The following SCGN variants were observed in gnomAD, a reference collection of about 807,000 sequenced individuals.
SCGN encodes the protein secretagogin, EF-hand calcium binding protein, also known as secretagogin.
In SCGN, 30 loss-of-function variants were observed where a neutral mutation model predicts 39.7. That is an observed-to-expected ratio of 0.76 (90% CI 0.57 to 1.03). The LOEUF (loss-of-function observed/expected upper bound fraction) is 1.03. SCGN is among the 50% of genes least tolerant of loss of function. SCGN has a pLI of 0.00. For synonymous variants in SCGN, 106 were observed against 114.1 expected (o/e 0.93, Z 0.45); for missense variants, 353 against 349.4 (o/e 1.01, Z -0.08).
chr6:25,693,049 A>T (rs941679701), intron 10 of SCGN, among the ~76,000 whole-genome samples: 8 of 152,218 alleles, frequency 5.3e-5, no homozygotes, highest in Non-Finnish European at 1.2e-4. Flanking sequence ...ATATGGGCAC[A>T]ACAATATTTA....
chr6:25,676,169 G>A (rs1074707), intron 6 of SCGN, among the ~76,000 whole-genome samples: 108,290 of 152,010 alleles, frequency 0.71, 38,929 homozygotes, highest in East Asian at 0.84. Flanking sequence ...AAATCTGACC[G>A]TTTCTCACCC....
At chr6:25,665,265 G>A (rs758936470) in intron 4 of SCGN, among the ~76,000 whole-genome samples, 1 of 152,098 alleles carries the variant, frequency 6.6e-6, no homozygotes, top group Non-Finnish European at 1.5e-5. Context: ...AATTTGGGCT[G>A]GAGGAAACTT....
rs34355491 is a variant in SCGN at position 25,652,454 on chromosome 6, C to T, written c.51C>T (p.Phe17=). Residue 17 remains phenylalanine (F), a synonymous_variant, in exon 1 of 11, where the codon TTC becomes TTT. Transcript: ENST00000377961. ...PTLGRLDAAG[F]WQVWQRFDAD... ...TGGGGCGCTTGGACGCCGCTGGCTT[C>T]TGGCAGGTCTGGCAGCGCTTTGATG... 5,173 of 1,614,092 alleles carry T rather than the reference C, an allele frequency of 3.2e-3. 14 individuals carry two copies. Among genetic ancestry groups the T allele is most frequent in the Non-Finnish European group, 3.9e-3 (4,556 of 1,180,014 alleles).
At chr6:25,682,402 CTG>C (rs1381272688) in intron 7 of SCGN, among the ~76,000 whole-genome samples, 2 of 148,946 alleles carry the variant, frequency 1.3e-5, no homozygotes, top group African/African-American at 5.2e-5. Flanking sequence ...CAGGTGCACT[CTG>C]TGTTCTTGAA....
chr6:25,675,817 A>G (rs1001771213), intron 6 of SCGN, among the ~76,000 whole-genome samples: 1 of 152,096 alleles, frequency 6.6e-6, no homozygotes, highest in Non-Finnish European at 1.5e-5. Flanking sequence ...CTTCTCTTCT[A>G]TGTCCACTCT....
At chr6:25,676,980 C>G (rs993468674) in intron 6 of SCGN, among the ~76,000 whole-genome samples, 9 of 152,300 alleles carry the variant, frequency 5.9e-5, no homozygotes, top group African/African-American at 2.2e-4. Context: ...CTTTCAAACT[C>G]TTGCGTCATC....
intron 10 of SCGN, among the ~76,000 whole-genome samples, chr6:25,698,429 C>T (rs894842423): frequency 6.6e-6 from 1 of 152,228 alleles, no homozygotes; most frequent in Non-Finnish European, 1.5e-5. Context: ...AATTAATTCA[C>T]ACTAATGTGT....
chr6:25,686,640 T>C (rs1759707728), intron 7 of SCGN, among the ~76,000 whole-genome samples: 3 of 152,190 alleles, frequency 2.0e-5, no homozygotes, highest in African/African-American at 7.2e-5. Context: ...TTTTCCATTA[T>C]GAGAGTCGTG....
At chr6:25,682,577 T>A (rs1325195731) in intron 7 of SCGN, among the ~76,000 whole-genome samples, 5 of 152,178 alleles carry the variant, frequency 3.3e-5, no homozygotes, top group African/African-American at 1.2e-4. Flanking sequence ...GTCTGGCTGA[T>A]CCCAAACAGC....
At position 25,652,449 on chromosome 6, in the gene SCGN, G is replaced by A; in HGVS notation, c.46G>A (p.Gly16Ser). Residue 16 changes from glycine to serine, a missense_variant, in exon 1 of 11, where the codon GGC (glycine) becomes AGC (serine). Coordinates refer to ENST00000377961, the MANE Select transcript of SCGN (RefSeq NM_006998.4). ...EPTLGRLDAA[G>S]FWQVWQRFDA... ...GACTCTGGGGCGCTTGGACGCCGCT[G>A]GCTTCTGGCAGGTCTGGCAGCGCTT... 1 of 1,614,142 alleles carries A rather than the reference G, an allele frequency of 6.2e-7. No individual in the cohort carries two copies. Among genetic ancestry groups the A allele is most frequent in the Non-Finnish European group, 8.5e-7 (1 of 1,180,026 alleles).
chr6:25,652,298 G>C lies in SCGN; in HGVS notation c.-106G>C. 1.1e-6 allele frequency: 1 copy of C among 879,532 alleles called. No individual in the cohort carries two copies. Among genetic ancestry groups the C allele is most frequent in the South Asian group, 1.5e-5 (1 of 68,674 alleles). The allele number at this position is 879,532 out of a possible 1,614,324, so 54.5% of individuals were successfully genotyped here. A position where few individuals can be genotyped will look rare whatever the true frequency, so the allele number is the denominator to read the frequency against. On this transcript the variant is annotated 5_prime_UTR_variant, in exon 1 of 11. Coordinates refer to ENST00000377961, the MANE Select transcript of SCGN (RefSeq NM_006998.4). ...AGCAACAGTTACTCAAAGCTAATCA[G>C]ATAGCGAAAGAAGCAGGAGAGCAAG... is the stretch of plus-strand genomic sequence containing the variant.
chr6:25,674,863 A>T (rs890444048), intron 6 of SCGN, among the ~76,000 whole-genome samples: 3 of 152,246 alleles, frequency 2.0e-5, no homozygotes, highest in Non-Finnish European at 4.4e-5. Context: ...ACCAGGCAGG[A>T]GGAAAGATTT....
chr6:25,688,352 G>A (rs1383306777), intron 7 of SCGN, among the ~76,000 whole-genome samples: 1 of 152,182 alleles, frequency 6.6e-6, no homozygotes, highest in East Asian at 1.9e-4. Context: ...GTCCACTGAA[G>A]TCTCTGCTAG....
At chr6:25,667,915 A>C (rs1475654988) in intron 4 of SCGN, among the ~76,000 whole-genome samples, 1 of 152,240 alleles carries the variant, frequency 6.6e-6, no homozygotes, top group Non-Finnish European at 1.5e-5. Flanking sequence ...TTTTAAAATT[A>C]TTTGAAATTC....
chr6:25,686,757 G>C (rs1759710918), intron 7 of SCGN, among the ~76,000 whole-genome samples: 1 of 151,990 alleles, frequency 6.6e-6, no homozygotes, highest in Non-Finnish European at 1.5e-5. Flanking sequence ...GTCATATCTA[G>C]GAAGCCATTG....
chr6:25,680,825 C>A (rs1759628516), intron 6 of SCGN, among the ~76,000 whole-genome samples: 1 of 151,880 alleles, frequency 6.6e-6, no homozygotes, highest in Admixed American at 6.6e-5. Context: ...ATTTTTGGTG[C>A]CAAAGTGGTG....
chr6:25,658,317 G>T (rs1167904764), intron 2 of SCGN, among the ~76,000 whole-genome samples: 1 of 151,640 alleles, frequency 6.6e-6, no homozygotes, highest in East Asian at 1.9e-4. Context: ...GGGATTACAG[G>T]CATGAGACAC....
chr6:25,663,507 A>G (rs1054280628), intron 3 of SCGN, among the ~76,000 whole-genome samples: 2 of 152,306 alleles, frequency 1.3e-5, no homozygotes, highest in Middle Eastern at 3.4e-3. Context: ...AACAATTTAT[A>G]AATACTGGCT....
At position 25,664,927 on chromosome 6, in the gene SCGN, CT is replaced by C. The variant is rs753258710; in HGVS notation, c.247-13del. 1.9e-6 allele frequency: 3 copies of C among 1,604,854 alleles called. No individual in the cohort carries two copies. In the Admixed American group the frequency reaches 5.0e-5, roughly 27 times the overall value. On this transcript the variant is annotated splice_polypyrimidine_tract_variant and intron_variant, in intron 3 of 10. Coordinates refer to ENST00000377961, the MANE Select transcript of SCGN (RefSeq NM_006998.4). The stretch of plus-strand genomic sequence containing the variant: ...CTGGCCAGTGTCCCTGACTGTTATT[CT>C]TTCTGTTCCTTCAGCTTGCTGGTAT...
Sources: gnomAD v4.1 joint callset for allele counts (sites outside exome capture counted in the v4.1 genomes callset) on GRCh38, gnomAD v4.1.1 for gene constraint, MANE v1.5 for transcripts, NCBI Gene and HGNC (gene_info 2026-07-23, HGNC 2026-07-21) for gene names.